Variants in SBF2 observed in about 807,000 individuals in gnomAD.
SBF2 encodes the protein SET binding factor 2, also known as myotubularin-related protein 13.
A neutral mutation model predicts 225.2 loss-of-function variants in SBF2; 112 were observed. The ratio of observed to expected loss-of-function variants is 0.50; its 90% CI spans 0.43 to 0.58. The LOEUF is 0.58. SBF2 is among the 20% of genes least tolerant of loss of function. The pLI is 0.00. For synonymous variants in SBF2, 763 were observed against 773.3 expected, an observed-to-expected ratio of 0.99 and a Z score of 0.22; for missense variants, 1,996 against 2,206.2, an observed-to-expected ratio of 0.90 and a Z score of 1.91.
chr11:9,882,042 A>C (rs927317460), intron 17 of SBF2, among the ~76,000 whole-genome samples: 1 of 152,216 alleles, frequency 6.6e-6, no homozygotes, highest in African/African-American at 2.4e-5. Context: ...TCTCCTTGTA[A>C]CACCACAGAT....
At chr11:10,101,822 C>A (rs1952320348) in intron 2 of SBF2, among the ~76,000 whole-genome samples, 1 of 152,082 alleles carries the variant, frequency 6.6e-6, no homozygotes, top group African/African-American at 2.4e-5. Flanking sequence ...CAGTGTCGTT[C>A]TGTAATGGAG....
chr11:10,162,092 C>T (rs552604593), intron 2 of SBF2, among the ~76,000 whole-genome samples: 3 of 152,100 alleles, frequency 2.0e-5, no homozygotes, highest in African/African-American at 7.2e-5. Context: ...AGAGTGATAT[C>T]CTATATAGGA....
chr11:9,834,886 C>G (rs1445462946), intron 26 of SBF2, among the ~76,000 whole-genome samples: 1 of 152,162 alleles, frequency 6.6e-6, no homozygotes. Context: ...AGTGAGCCAT[C>G]TCCTTCCACT....
intron 14 of SBF2, among the ~76,000 whole-genome samples, chr11:9,966,598 AAGTT>A (rs748826576): frequency 5.3e-5 from 8 of 152,202 alleles, no homozygotes; most frequent in Non-Finnish European, 8.8e-5. Flanking sequence ...AAAAAGACAA[AAGTT>A]AGTAAAGGAA....
At chr11:10,184,290 G>T (rs986395993) in intron 2 of SBF2, among the ~76,000 whole-genome samples, 1 of 152,110 alleles carries the variant, frequency 6.6e-6, no homozygotes, top group Non-Finnish European at 1.5e-5. Flanking sequence ...ATACTGTCTT[G>T]ATTATTGAGC....
intron 2 of SBF2, among the ~76,000 whole-genome samples, chr11:10,123,844 C>G (rs1953602569): frequency 6.6e-6 from 1 of 152,146 alleles, no homozygotes; most frequent in African/African-American, 2.4e-5. Context: ...TTAACAATGT[C>G]ATTCTTTTCT....
chr11:9,793,977 C>A (rs1852924170), intron 33 of SBF2, among the ~76,000 whole-genome samples: 1 of 152,142 alleles, frequency 6.6e-6, no homozygotes, highest in African/African-American at 2.4e-5. Context: ...TATTAAAAAA[C>A]CAAAAACTTA....
chr11:9,781,319 G>C (rs1161911109), intron 39 of SBF2, among the ~76,000 whole-genome samples, 188 bp downstream of exon 39: 2 of 152,234 alleles, frequency 1.3e-5, no homozygotes, highest in Non-Finnish European at 2.9e-5. Context: ...GAGACATACA[G>C]ACAGGAAGAG....
At position 9,845,669 on chromosome 11, in the gene SBF2, C is replaced by A. The variant is rs572884226; in HGVS notation, c.3006G>T (p.Lys1002Asn). 55 of 1,613,712 alleles carry A rather than the reference C, an allele frequency of 3.4e-5. No individual in the cohort carries two copies. Among genetic ancestry groups the A allele is most frequent in the Non-Finnish European group, 4.4e-5 (52 of 1,179,756 alleles). The change falls in exon 24 of 40, where the codon AAG becomes AAT. Residue 1002 changes from lysine (K) to asparagine (N), a missense_variant. Transcript: ENST00000256190. ...VVEIFKKQLM[K>N]FRYPQSIFST... ...TGAAAATGGACTGAGGATAACGGAA[C>A]TTCATCAGCTGTTTCTTAAAGATCT...
At chr11:10,045,349 T>C (rs1320270209) in intron 2 of SBF2, among the ~76,000 whole-genome samples, 1 of 152,004 alleles carries the variant, frequency 6.6e-6, no homozygotes, top group Non-Finnish European at 1.5e-5. Context: ...TGTATTTTAG[T>C]AGCGATGGGG....
At chr11:9,982,388 CACTG>C (rs1392603604) in intron 13 of SBF2, among the ~76,000 whole-genome samples, 10 of 152,330 alleles carry the variant, frequency 6.6e-5, no homozygotes, top group South Asian at 6.2e-4. Flanking sequence ...TTTCATAACA[CACTG>C]ACTGACAGGA....
At chr11:10,171,244 T>C (rs1346116480) in intron 2 of SBF2, among the ~76,000 whole-genome samples, 1 of 152,164 alleles carries the variant, frequency 6.6e-6, no homozygotes, top group Non-Finnish European at 1.5e-5. Flanking sequence ...CTTTCAGTTT[T>C]CCCCCCATTC....
intron 2 of SBF2, among the ~76,000 whole-genome samples, chr11:10,109,430 G>A (rs1952730500): frequency 6.6e-6 from 1 of 152,134 alleles, no homozygotes; most frequent in Non-Finnish European, 1.5e-5. Flanking sequence ...ATTCATAAAA[G>A]TTTGACAGTA....
At chr11:10,046,879 CAAAA>C (rs34571490) in intron 2 of SBF2, among the ~76,000 whole-genome samples, 4 of 99,614 alleles carry the variant, frequency 4.0e-5, no homozygotes, top group African/African-American at 1.8e-4. Flanking sequence ...TCTGAAAGGA[CAAAA>C]AAAAAAAAAA....
At chr11:9,824,948 ATC>A (rs1854982274) in intron 28 of SBF2, among the ~76,000 whole-genome samples, 1 of 152,216 alleles carries the variant, frequency 6.6e-6, no homozygotes, top group Non-Finnish European at 1.5e-5. Context: ...TCACTGTACC[ATC>A]TTTTAGTTCA....
At chr11:10,249,883 A>G (rs1960185536) in intron 1 of SBF2, among the ~76,000 whole-genome samples, 1 of 150,474 alleles carries the variant, frequency 6.6e-6, no homozygotes, top group African/African-American at 2.4e-5. Context: ...GGGGGAGTCC[A>G]TAGCATTGGA....
intron 1 of SBF2, among the ~76,000 whole-genome samples, chr11:10,195,561 C>A (rs1177134167): frequency 6.6e-6 from 1 of 152,172 alleles, no homozygotes; most frequent in Non-Finnish European, 1.5e-5. Flanking sequence ...ACAACGAATT[C>A]ATTTTGTTAA....
intron 1 of SBF2, among the ~76,000 whole-genome samples, chr11:10,282,699 T>C (rs907702646): frequency 6.6e-6 from 1 of 152,182 alleles, no homozygotes; most frequent in African/African-American, 2.4e-5. Context: ...ATTTCCACCA[T>C]AAAAACGTTT....
intron 1 of SBF2, among the ~76,000 whole-genome samples, chr11:10,223,399 T>TTTTATATATATATATA (rs1279386744): frequency 3.2e-4 from 19 of 59,254 alleles, no homozygotes; most frequent in South Asian, 5.5e-4. Context: ...ATTTTGCACA[T>TTTTATATATATATATA]TATATATATA....
Sources: gnomAD v4.1 joint callset for allele counts (sites outside exome capture counted in the v4.1 genomes callset) on GRCh38, gnomAD v4.1.1 for gene constraint, MANE v1.5 for transcripts, NCBI Gene and HGNC (gene_info 2026-07-23, HGNC 2026-07-21) for gene names.